The following POU6F2 variants were observed in gnomAD, a reference collection of about 807,000 sequenced individuals.
POU6F2 encodes POU domain, class 6, transcription factor 2.
POU6F2 carries 31 observed loss-of-function variants against 71.3 expected under a neutral mutation model. That is an observed-to-expected ratio of 0.43 (90% confidence interval 0.33 to 0.59). The LOEUF is 0.59. Ranked by LOEUF, POU6F2 falls within the 20% of genes least tolerant of loss-of-function variation. The pLI is 0.04. For synonymous variants in POU6F2, 347 were observed against 355.7 expected, an observed-to-expected ratio of 0.98 and a Z score of 0.27; for missense variants, 783 against 856.8, an observed-to-expected ratio of 0.91 and a Z score of 1.07.
chr7:39,318,883 C>T (rs961074519), intron 4 of POU6F2, among the ~76,000 whole-genome samples: 1 of 152,168 alleles, frequency 6.6e-6, no homozygotes, highest in African/African-American at 2.4e-5. Context: ...TGGCTCACAC[C>T]TGTAATCCCA....
intron 6 of POU6F2, among the ~76,000 whole-genome samples, chr7:39,429,300 C>T (rs918040345): frequency 2.6e-5 from 4 of 152,086 alleles, no homozygotes; most frequent in South Asian, 2.1e-4. Context: ...ATCTCCAGAC[C>T]CTGCTTGGCC....
chr7:39,149,382 TGTTA>T (rs1014191436), intron 2 of POU6F2, among the ~76,000 whole-genome samples: 3 of 152,208 alleles, frequency 2.0e-5, no homozygotes, highest in Non-Finnish European at 2.9e-5. Flanking sequence ...TTTATTTATT[TGTTA>T]ATTTTTAAAA....
intron 4 of POU6F2, among the ~76,000 whole-genome samples, chr7:39,301,713 G>A (rs1784951185): frequency 6.6e-6 from 1 of 152,150 alleles, no homozygotes; most frequent in South Asian, 2.1e-4. Flanking sequence ...AAGGGCTGAG[G>A]ACAGATCTTT....
intron 1 of POU6F2, among the ~76,000 whole-genome samples, chr7:38,995,222 C>G (rs1432913763): frequency 6.6e-6 from 1 of 152,182 alleles, no homozygotes; most frequent in Non-Finnish European, 1.5e-5. Context: ...CATTCTGTGT[C>G]TTGGAGAATG....
At chr7:39,336,521 G>A (rs1012009448) in intron 4 of POU6F2, among the ~76,000 whole-genome samples, 6 of 152,156 alleles carry the variant, frequency 3.9e-5, no homozygotes, top group African/African-American at 1.4e-4. Context: ...GATGAGGATG[G>A]GTTTGGATAA....
intron 4 of POU6F2, among the ~76,000 whole-genome samples, chr7:39,319,278 C>G (rs965821338): frequency 6.6e-6 from 1 of 152,220 alleles, no homozygotes; most frequent in African/African-American, 2.4e-5. Context: ...TCAGCTCCTC[C>G]TCCTCTATCT....
chr7:39,055,291 C>T (rs915599950), intron 1 of POU6F2, among the ~76,000 whole-genome samples: 5 of 152,072 alleles, frequency 3.3e-5, no homozygotes, highest in African/African-American at 1.2e-4. Flanking sequence ...TTACAACTTT[C>T]TCTTTGGATA....
intron 4 of POU6F2, among the ~76,000 whole-genome samples, chr7:39,214,200 C>G (rs1331613484): frequency 1.3e-5 from 2 of 152,124 alleles, no homozygotes; most frequent in African/African-American, 2.4e-5. Context: ...ATTAAATCAG[C>G]CTTGATGTGA....
chr7:39,207,698 G>A, intron 4 of POU6F2, 78 bp downstream of exon 4: 2 of 1,345,444 alleles, frequency 1.5e-6, no homozygotes, highest in Non-Finnish European at 2.1e-6. Context: ...AAAAAAATGT[G>A]CCTAGAATGG....
chr7:39,047,325 T>C (rs1018992125), intron 1 of POU6F2, among the ~76,000 whole-genome samples: 13 of 151,914 alleles, frequency 8.6e-5, no homozygotes, highest in Non-Finnish European at 8.8e-5. Context: ...TTAACACTAT[T>C]AGGTTTTCCA....
intron 4 of POU6F2, among the ~76,000 whole-genome samples, chr7:39,282,290 T>C (rs1423317605): frequency 6.6e-6 from 1 of 152,198 alleles, no homozygotes; most frequent in African/African-American, 2.4e-5. Context: ...GCTCTTTAGG[T>C]TGGTATAGTC....
intron 6 of POU6F2, among the ~76,000 whole-genome samples, chr7:39,417,477 C>A (rs950434022): frequency 6.6e-6 from 1 of 152,194 alleles, no homozygotes; most frequent in East Asian, 1.9e-4. Context: ...CCATTTGTCT[C>A]ATCAACTAAG....
intron 6 of POU6F2, 65 bp from the exon 7 acceptor site, chr7:39,433,012 G>C (rs1562550567): frequency 1.3e-6 from 2 of 1,531,118 alleles, no homozygotes; most frequent in East Asian, 2.3e-5. Context: ...GGCACTGCAT[G>C]GTCTTCAGTT....
At chr7:39,442,193 C>T (rs757045334) in intron 7 of POU6F2, among the ~76,000 whole-genome samples, 1 of 152,054 alleles carries the variant, frequency 6.6e-6, no homozygotes, top group Non-Finnish European at 1.5e-5. Context: ...GCATTGGTAC[C>T]AGGAAGCTAG....
At chr7:39,162,785 C>T (rs1389376664) in intron 2 of POU6F2, among the ~76,000 whole-genome samples, 1 of 152,074 alleles carries the variant, frequency 6.6e-6, no homozygotes, top group Admixed American at 6.6e-5. Context: ...TCAGTATTTC[C>T]CAGACATTTT....
intron 7 of POU6F2, among the ~76,000 whole-genome samples, chr7:39,438,840 T>G (rs1255338947): frequency 6.6e-6 from 1 of 152,224 alleles, no homozygotes; most frequent in African/African-American, 2.4e-5. Flanking sequence ...TCTGTTGATT[T>G]GGGGTGGAGA....
chr7:39,212,164 G>A (rs1794154066), intron 4 of POU6F2, among the ~76,000 whole-genome samples: 1 of 152,170 alleles, frequency 6.6e-6, no homozygotes, highest in Non-Finnish European at 1.5e-5. Context: ...CTATGATGTG[G>A]GTGGGAAGTG....
intron 1 of POU6F2, among the ~76,000 whole-genome samples, chr7:38,985,657 C>T (rs1788444930): frequency 6.6e-6 from 1 of 152,058 alleles, no homozygotes; most frequent in Non-Finnish European, 1.5e-5. Context: ...TTGAAAATTT[C>T]TCTCTGTTCA....
intron 1 of POU6F2, among the ~76,000 whole-genome samples, chr7:39,016,217 C>G (rs1314682077): frequency 7.2e-6 from 1 of 138,452 alleles, no homozygotes; most frequent in African/African-American, 2.7e-5. Context: ...ATAAGATTAC[C>G]TATATATAAT....
Sources: allele counts gnomAD v4.1 joint callset (sites outside exome capture counted in the v4.1 genomes callset), GRCh38; gene constraint gnomAD v4.1.1; transcripts MANE v1.5; gene names NCBI Gene and HGNC (gene_info 2026-07-23, HGNC 2026-07-21).